NRROS: variants seen among roughly 807,000 people sequenced by gnomAD.
NRROS encodes transforming growth factor beta activator LRRC33.
In NRROS, 6 loss-of-function variants were observed where a neutral mutation model predicts 12.0. The ratio of observed to expected loss-of-function variants is 0.50; its 90% CI spans 0.27 to 0.98. The LOEUF (loss-of-function observed/expected upper bound fraction) is 0.98. Ranked by LOEUF, NRROS falls within the 50% of genes least tolerant of loss-of-function variation. The pLI is 0.11. For missense variants in NRROS, 857 were observed against 888.2 expected, an observed-to-expected ratio of 0.96 and a Z score of 0.45; for synonymous variants, 462 against 410.2, an observed-to-expected ratio of 1.13 and a Z score of -1.53.
rs1195127143 is a variant in NRROS, at chr3:196,661,413, C to T, written c.1770C>T (p.Tyr590=). The change falls in exon 3 of 3, where the codon TAC becomes TAT. Residue 590 remains tyrosine, a synonymous_variant. Transcript: ENST00000328557. ...TCTCGAGAGGTCTGCGGACCATCTA[C>T]CTCAGTCAGAATCCATATGACTGCT... is the stretch of plus-strand genomic sequence containing the variant. The part of the protein sequence containing the change: ...EQLSRGLRTI[Y]LSQNPYDCCG... The T allele has an allele frequency of 1.3e-6, 2 of 1,576,454 alleles. No individual in the cohort carries two copies. Among genetic ancestry groups the T allele is most frequent in the Non-Finnish European group, 1.7e-6 (2 of 1,158,440 alleles).
intron 1 of NRROS, among the ~76,000 whole-genome samples, chr3:196,646,946 C>A (rs1737325422): frequency 6.6e-6 from 1 of 152,242 alleles, no homozygotes; most frequent in Non-Finnish European, 1.5e-5. Context: ...TTATACTACA[C>A]ATTCTGCTTT....
Position 196,653,916 on chromosome 3 carries a change from T to C in NRROS, c.-13-611T>C, listed in dbSNP as rs9850970. On this transcript the variant is annotated intron_variant, in intron 1 of 2. Transcript: ENST00000328557. ...CACCTTTATTCTACCCAAAGATTGC[T>C]TCTTCATTTTCCCTCCGTGTTTCCC... Among the ~76,000 whole-genome samples, 305 of 152,342 alleles carry C rather than the reference T, an allele frequency of 2.0e-3. 1 individual carries two copies. The highest frequency in any genetic ancestry group is 6.8e-3 in the African/African-American group (282 of 41,578).
Position 196,660,482 on chromosome 3 carries a change from GCGA to G in NRROS, c.841_843del (p.Asp281del). ...AGCAAGTTGCGGACCCTCCTGCTGC[GCGA>G]CAACAACATGGGCTTCTACCGGGAC... On this transcript the variant is annotated inframe_deletion, in exon 3 of 3. Coordinates refer to ENST00000328557, the MANE Select transcript of NRROS (RefSeq NM_198565.3). This position sits in a 1 kb window ranked among gnomAD's most constrained non-coding sequence, Gnocchi z 7.7. 1 of 1,614,004 alleles carries G rather than the reference GCGA, an allele frequency of 6.2e-7. No homozygotes were observed. Among genetic ancestry groups the G allele is most frequent in the Non-Finnish European group, 8.5e-7 (1 of 1,179,996 alleles).
chr3:196,642,587 G>T (rs1935742538), intron 1 of NRROS, among the ~76,000 whole-genome samples: 1 of 152,164 alleles, frequency 6.6e-6, no homozygotes, highest in Admixed American at 6.5e-5. Flanking sequence ...CATGGGCTTG[G>T]CTTTTATGAT....
At chr3:196,646,500 C>T (rs1014710662) in intron 1 of NRROS, among the ~76,000 whole-genome samples, 2 of 152,262 alleles carry the variant, frequency 1.3e-5, no homozygotes, top group Admixed American at 1.3e-4. Context: ...GACCTGTGGC[C>T]AGATGGCAGC....
At chr3:196,647,334 G>A (rs752683385) in intron 1 of NRROS, among the ~76,000 whole-genome samples, 2 of 152,116 alleles carry the variant, frequency 1.3e-5, no homozygotes, top group African/African-American at 4.8e-5. Flanking sequence ...AGTTCTTAGG[G>A]GGGGAGAAGT....
intron 1 of NRROS, among the ~76,000 whole-genome samples, chr3:196,645,555 G>A (rs1737291955): frequency 6.6e-6 from 1 of 152,162 alleles, no homozygotes; most frequent in Non-Finnish European, 1.5e-5. Context: ...CAGTAAGCAT[G>A]AGCTGTCACA....
chr3:196,647,684 G>A (rs114419096), intron 1 of NRROS, among the ~76,000 whole-genome samples: 11,844 of 152,120 alleles, frequency 0.078, 490 homozygotes, highest in Middle Eastern at 0.12. Context: ...TCAGCCTCCC[G>A]AGTAGCTGGA....
At chr3:196,647,546 C>G (rs757610577) in intron 1 of NRROS, among the ~76,000 whole-genome samples, 9 of 152,190 alleles carry the variant, frequency 5.9e-5, no homozygotes, top group Non-Finnish European at 1.2e-4. Context: ...CCAAAGATCA[C>G]AATCGGTTCT....
At chr3:196,643,391 A>C (rs529948814) in intron 1 of NRROS, among the ~76,000 whole-genome samples, 1 of 152,206 alleles carries the variant, frequency 6.6e-6, no homozygotes, top group East Asian at 1.9e-4. Context: ...CGCGAGGAGC[A>C]GGCTGGTACT....
Position 196,654,690 on chromosome 3 carries a change from T to G in NRROS, c.108+43T>G. On this transcript the variant is annotated intron_variant, in intron 2 of 2. Transcript: ENST00000328557. The surrounding 1 kb of genome is among the most constrained non-coding windows in gnomAD (Gnocchi z 4.4). ...CCTGATCTGTCGGCTGCTCCTGTCCTGACAAGGCTTGGTCCATTTGGAAAG... is the reference window on the plus strand; with the variant it reads ...CCTGATCTGTCGGCTGCTCCTGTCCGGACAAGGCTTGGTCCATTTGGAAAG... 1 of 1,231,562 alleles carries G rather than the reference T, an allele frequency of 8.1e-7. No homozygotes were observed. Among genetic ancestry groups the G allele is most frequent in the Non-Finnish European group, 1.2e-6 (1 of 847,656 alleles). 76.3% of individuals were successfully genotyped at this position (1,231,562 alleles called of 1,614,324 possible). A position where few individuals can be genotyped will look rare whatever the true frequency, so the allele number is the denominator to read the frequency against.
chr3:196,660,768 C>G lies in NRROS; in HGVS notation c.1125C>G (p.Pro375=), dbSNP rs370487697. 3 of 1,613,760 alleles carry G rather than the reference C, an allele frequency of 1.9e-6. No individual in the cohort carries two copies. The African/African-American group carries it at 4.0e-5, about 22-fold the overall frequency. ...MTLHIREHEP[P]GALTELDLSH... ...TTCACATTCGGGAGCACGAGCCCCC[C>G]GGAGCGCTCACCGAGCTGGACCTGA... The change falls in exon 3 of 3, where the codon CCC becomes CCG. Residue 375 remains proline (P), a synonymous_variant. Coordinates refer to ENST00000328557, the MANE Select transcript of NRROS (RefSeq NM_198565.3). The surrounding 1 kb of genome is among the most constrained non-coding windows in gnomAD (Gnocchi z 7.7).
chr3:196,657,731 A>T (rs4912587), intron 2 of NRROS, among the ~76,000 whole-genome samples: 1 of 148,890 alleles, frequency 6.7e-6, no homozygotes, highest in South Asian at 2.1e-4. Flanking sequence ...AAAGATAAAA[A>T]TTCTCTTCCA....
Position 196,660,741 on chromosome 3 carries a change from G to C in NRROS, c.1098G>C (p.Thr366=). The C allele has an allele frequency of 3.1e-6, 5 of 1,614,016 alleles. No individual in the cohort carries two copies. Among genetic ancestry groups the C allele is most frequent in the Non-Finnish European group, 4.2e-6 (5 of 1,180,030 alleles). ...ACCTCCACCAGAATTGCCTGATGACGCTTCACATTCGGGAGCACGAGCCCC... is the reference window on the plus strand; with the variant it reads ...ACCTCCACCAGAATTGCCTGATGACCCTTCACATTCGGGAGCACGAGCCCC... ...HLNLHQNCLM[T]LHIREHEPPG... is the part of the protein sequence containing the mutation. Residue 366 remains threonine, a synonymous_variant, in exon 3 of 3, where the codon ACG becomes ACC. Coordinates refer to ENST00000328557, the MANE Select transcript of NRROS (RefSeq NM_198565.3). This position sits in a 1 kb window ranked among gnomAD's most constrained non-coding sequence, Gnocchi z 7.7.
rs1280665879 is a variant in NRROS, at chr3:196,660,245, T to A, written c.602T>A (p.Phe201Tyr). ...NYIFEIEGGA[F>Y]DGLAELRHLN... ...ATCTTCGAGATCGAGGGCGGCGCTT[T>A]CGACGGCCTGGCTGAGCTGAGGCAC... Residue 201 changes from phenylalanine (F) to tyrosine (Y), a missense_variant, in exon 3 of 3, where the codon TTC becomes TAC. Phe to Tyr is a conservative substitution (Grantham distance 22). Transcript: ENST00000328557. This position sits in a 1 kb window ranked among gnomAD's most constrained non-coding sequence, Gnocchi z 7.7. 6.2e-7 allele frequency: 1 copy of A among 1,613,818 alleles called. No homozygotes were observed.
intron 1 of NRROS, among the ~76,000 whole-genome samples, chr3:196,647,142 T>C (rs544260186): frequency 6.6e-6 from 1 of 152,348 alleles, no homozygotes; most frequent in South Asian, 2.1e-4. Context: ...TTCTTACTAA[T>C]GTTACAATGA....
Position 196,660,329 on chromosome 3 carries a change from G to C in NRROS, c.686G>C (p.Arg229Pro), listed in dbSNP as rs754552297. The C allele has an allele frequency of 2.5e-6, 4 of 1,614,024 alleles. No individual in the cohort carries two copies. Among genetic ancestry groups the C allele is most frequent in the Non-Finnish European group, 3.4e-6 (4 of 1,180,014 alleles). Residue 229 changes from arginine (R) to proline (P), a missense_variant, in exon 3 of 3, where the codon CGG becomes CCG. By Grantham distance (103) the Arg-to-Pro change is moderately radical. Transcript: ENST00000328557. The surrounding 1 kb of genome is among the most constrained non-coding windows in gnomAD (Gnocchi z 7.7). ...GTGGACTTCGGGCTCACGCGGCTGC[G>C]GGTCCTCAACGTCAGCTACAACGTC... is the stretch of plus-strand genomic sequence containing the variant. ...CIVDFGLTRL[R>P]VLNVSYNVLE...
chr3:196,642,108 G>A (rs1737220026), intron 1 of NRROS, among the ~76,000 whole-genome samples: 1 of 152,062 alleles, frequency 6.6e-6, no homozygotes, highest in African/African-American at 2.4e-5. Context: ...GGGGCTCAGG[G>A]CTAGGTTAGG....
At chr3:196,657,747 C>T (rs1381117195) in intron 2 of NRROS, among the ~76,000 whole-genome samples, 2 of 150,414 alleles carry the variant, frequency 1.3e-5, no homozygotes, top group Admixed American at 6.6e-5. Flanking sequence ...TTCCAGAGTA[C>T]TTTGTAATTA....
Sources: allele counts gnomAD v4.1 joint callset (sites outside exome capture counted in the v4.1 genomes callset), GRCh38; gene constraint gnomAD v4.1.1; non-coding constraint Gnocchi (gnomAD v3.1); transcripts MANE v1.5; gene names NCBI Gene and HGNC (gene_info 2026-07-23, HGNC 2026-07-21).